Variants in CDC42SE2 observed in about 807,000 individuals in gnomAD.
CDC42SE2 encodes the protein CDC42 small effector protein 2.
In CDC42SE2, 3 loss-of-function variants were observed where a neutral mutation model predicts 11.5. The ratio of observed to expected loss-of-function variants is 0.26; its 90% CI spans 0.12 to 0.67. The LOEUF is 0.67. Ranked by LOEUF, CDC42SE2 falls within the 30% of genes least tolerant of loss-of-function variation. CDC42SE2 has a pLI of 0.80. For synonymous variants in CDC42SE2, 33 were observed against 34.8 expected, an observed-to-expected ratio of 0.95 and a Z score of 0.18; for missense variants, 82 against 106.8, an observed-to-expected ratio of 0.77 and a Z score of 1.02.
intron 1 of CDC42SE2, among the ~76,000 whole-genome samples, chr5:131,246,194 G>T (rs1052625872): frequency 1.3e-5 from 2 of 152,142 alleles, no homozygotes; most frequent in African/African-American, 2.4e-5. Flanking sequence ...GGTGGCTCAC[G>T]CCTGCAATCC....
intron 1 of CDC42SE2, among the ~76,000 whole-genome samples, chr5:131,286,192 A>G (rs1260311421): frequency 1.3e-5 from 2 of 151,316 alleles, no homozygotes; most frequent in Non-Finnish European, 2.9e-5. Context: ...TCCCCGGCTC[A>G]AGAGGTCCTC....
At chr5:131,265,191 C>T (rs1000495867) in intron 1 of CDC42SE2, among the ~76,000 whole-genome samples, 21 of 152,218 alleles carry the variant, frequency 1.4e-4, no homozygotes, top group South Asian at 1.2e-3. Context: ...TTCTTACTCT[C>T]AATATTATGA....
At chr5:131,244,014 A>G (rs1409331602), upstream of CDC42SE2, among the ~76,000 whole-genome samples, 1 of 152,212 alleles carries the variant, frequency 6.6e-6, no homozygotes, top group East Asian at 1.9e-4. Flanking sequence ...AAAAACTTTG[A>G]CCATGCAAAT....
chr5:131,228,474 CAGTCTT>C, the CDC42SE2 span, among the ~76,000 whole-genome samples: 1 of 152,212 alleles, frequency 6.6e-6, no homozygotes, highest in Non-Finnish European at 1.5e-5. Flanking sequence ...ATTCTGGCTT[CAGTCTT>C]TGACTTCTGT....
upstream of CDC42SE2, among the ~76,000 whole-genome samples, chr5:131,263,156 A>G (rs546915901): frequency 7.8e-6 from 1 of 128,402 alleles, no homozygotes; most frequent in Non-Finnish European, 1.6e-5. Context: ...ACTCTGTTCT[A>G]TTTTGAAGGT....
chr5:131,380,303 T>C (rs983266060), intron 3 of CDC42SE2, among the ~76,000 whole-genome samples: 1 of 152,102 alleles, frequency 6.6e-6, no homozygotes, highest in African/African-American at 2.4e-5. Flanking sequence ...TTGATCATTC[T>C]TATGGCCTAA....
rs1758707272 is a variant in CDC42SE2 at position 131,341,319 on chromosome 5, A to G, written c.-285-17890A>G. On this transcript the variant is annotated intron_variant, in intron 2 of 4. Coordinates refer to ENST00000505065, the MANE Select transcript of CDC42SE2 (RefSeq NM_001375635.1). ...TAGAAGGGAAATACATCACACACAAAGGAAGGAAAATTGGAATGTCATCAG... is the reference window on the plus strand; with the variant it reads ...TAGAAGGGAAATACATCACACACAAGGGAAGGAAAATTGGAATGTCATCAG... Among the ~76,000 whole-genome samples the G allele has an allele frequency of 2.0e-5, 3 of 152,220 alleles. No homozygotes were observed. The South Asian group carries it at 6.2e-4, about 32-fold the overall frequency.
intron 2 of CDC42SE2, among the ~76,000 whole-genome samples, chr5:131,337,770 T>C (rs901290673): frequency 2.0e-5 from 3 of 152,184 alleles, no homozygotes; most frequent in Admixed American, 6.5e-5. Flanking sequence ...CTCTGAGCCA[T>C]GTGTGGGATA....
At chr5:131,370,764 T>G (rs1749994189) in intron 3 of CDC42SE2, among the ~76,000 whole-genome samples, 1 of 152,218 alleles carries the variant, frequency 6.6e-6, no homozygotes, top group Non-Finnish European at 1.5e-5. Flanking sequence ...TGGCTAATGA[T>G]TAAAATGGCC....
At chr5:131,380,921 C>T in intron 3 of CDC42SE2, among the ~76,000 whole-genome samples, 1 of 152,186 alleles carries the variant, frequency 6.6e-6, no homozygotes, top group East Asian at 1.9e-4. Context: ...CCTCCTATTA[C>T]TCCACTGACA....
At chr5:131,350,970 G>A (rs1758994173) in intron 2 of CDC42SE2, among the ~76,000 whole-genome samples, 1 of 151,774 alleles carries the variant, frequency 6.6e-6, no homozygotes, top group African/African-American at 2.4e-5. Context: ...TTTTTAGAGA[G>A]GGTCTCACTC....
intron 1 of CDC42SE2, among the ~76,000 whole-genome samples, chr5:131,283,801 T>C (rs1242405139): frequency 6.6e-6 from 1 of 152,176 alleles, no homozygotes. Context: ...CCCATCATTC[T>C]CTTTTATGGC....
chr5:131,376,877 T>C (rs76814350), intron 3 of CDC42SE2, among the ~76,000 whole-genome samples: 2,622 of 152,330 alleles, frequency 0.017, 76 homozygotes, highest in African/African-American at 0.06. Flanking sequence ...ACGTTTTCTT[T>C]ATCCAGTCTA....
intron 1 of CDC42SE2, among the ~76,000 whole-genome samples, chr5:131,300,496 T>A (rs779576547): frequency 6.6e-6 from 1 of 152,080 alleles, no homozygotes; most frequent in Non-Finnish European, 1.5e-5. Flanking sequence ...TTAATAATTA[T>A]GTTGTAGGCC....
At chr5:131,292,025 C>T (rs1440994246) in intron 1 of CDC42SE2, among the ~76,000 whole-genome samples, 2 of 151,956 alleles carry the variant, frequency 1.3e-5, no homozygotes, top group South Asian at 2.1e-4. Context: ...GGACGGATCA[C>T]GAGGTCAAGA....
chr5:131,288,781 A>C (rs1195309146), intron 1 of CDC42SE2, among the ~76,000 whole-genome samples: 1 of 152,180 alleles, frequency 6.6e-6, no homozygotes, highest in African/African-American at 2.4e-5. Flanking sequence ...CCTACTGACT[A>C]CTTTGGCAAG....
At chr5:131,272,105 G>A (rs1174819124) in intron 1 of CDC42SE2, among the ~76,000 whole-genome samples, 1 of 152,068 alleles carries the variant, frequency 6.6e-6, no homozygotes, top group Non-Finnish European at 1.5e-5. Flanking sequence ...CTGCCTCCCA[G>A]GTTCAAGTGA....
intron 1 of CDC42SE2, among the ~76,000 whole-genome samples, chr5:131,279,874 A>T (rs1757202814): frequency 6.6e-6 from 1 of 152,088 alleles, no homozygotes; most frequent in Non-Finnish European, 1.5e-5. Context: ...GGAGTTCGAG[A>T]TCAGCCCAGG....
At chr5:131,298,391 G>A (rs540415050) in intron 1 of CDC42SE2, among the ~76,000 whole-genome samples, 51 of 151,834 alleles carry the variant, frequency 3.4e-4, no homozygotes, top group African/African-American at 1.2e-3. Flanking sequence ...CAATGTGCTC[G>A]GATTACAGGC....
Sources: allele counts gnomAD v4.1 joint callset (sites outside exome capture counted in the v4.1 genomes callset), GRCh38; gene constraint gnomAD v4.1.1; transcripts MANE v1.5; gene names NCBI Gene and HGNC (gene_info 2026-07-23, HGNC 2026-07-21).